CA8: variants seen among roughly 807,000 people sequenced by gnomAD.
The protein encoded by CA8 is carbonic anhydrase 8 (inactive).
Under a neutral mutation model 41.4 loss-of-function variants are expected in CA8, and 22 were observed. The observed-to-expected ratio is 0.53, with a 90% confidence interval of 0.38 to 0.76. CA8 has a LOEUF of 0.76. Ranked by LOEUF, CA8 falls within the 30% of genes least tolerant of loss-of-function variation. CA8 has a pLI of 0.00. For synonymous variants in CA8, 121 were observed against 130.6 expected, an observed-to-expected ratio of 0.93 and a Z score of 0.50; for missense variants, 270 against 352.8, an observed-to-expected ratio of 0.77 and a Z score of 1.88.
chr8:60,190,461 A>G (rs1806087277), intron 8 of CA8, among the ~76,000 whole-genome samples: 1 of 137,556 alleles, frequency 7.3e-6, no homozygotes, highest in Non-Finnish European at 1.5e-5. Context: ...ATATATATAT[A>G]TATATATATA....
chr8:60,216,632 A>G (rs753643258), intron 7 of CA8, among the ~76,000 whole-genome samples: 1 of 152,210 alleles, frequency 6.6e-6, no homozygotes, highest in Non-Finnish European at 1.5e-5. Context: ...ATACAAAGTT[A>G]GGTTCCCTTT....
chr8:60,265,303 G>GC (rs1803864280), intron 3 of CA8: 1 of 154,388 alleles, frequency 6.5e-6, no homozygotes, highest in Non-Finnish European at 1.4e-5. Context: ...GCCCTATCAA[G>GC]CATACAGGGA....
At chr8:60,218,385 T>C (rs1271671453) in intron 7 of CA8, among the ~76,000 whole-genome samples, 1 of 152,086 alleles carries the variant, frequency 6.6e-6, no homozygotes, top group Non-Finnish European at 1.5e-5. Context: ...GTCTTTTTTA[T>C]CTCCCCTTGT....
intron 7 of CA8, among the ~76,000 whole-genome samples, chr8:60,218,878 G>A (rs545438809): frequency 9.9e-5 from 15 of 152,148 alleles, no homozygotes; most frequent in African/African-American, 3.1e-4. Flanking sequence ...TGGATGGGGC[G>A]GCCGGCAGTG....
At chr8:60,196,479 CCA>C (rs1806285341) in intron 8 of CA8, among the ~76,000 whole-genome samples, 1 of 152,010 alleles carries the variant, frequency 6.6e-6, no homozygotes, top group African/African-American at 2.4e-5. Context: ...CAAGCTGACT[CCA>C]GAGACCAAAT....
At chr8:60,191,446 T>C (rs892400446) in intron 8 of CA8, among the ~76,000 whole-genome samples, 1 of 151,998 alleles carries the variant, frequency 6.6e-6, no homozygotes, top group Non-Finnish European at 1.5e-5. Flanking sequence ...CTATGTTCCA[T>C]AAAAAACAAC....
At chr8:60,261,367 T>C (rs1452033285) in intron 3 of CA8, among the ~76,000 whole-genome samples, 1 of 152,092 alleles carries the variant, frequency 6.6e-6, no homozygotes, top group Admixed American at 6.5e-5. Context: ...AAATACAATA[T>C]AAAGAAAGAT....
chr8:60,218,539 A>T (rs1807109476), intron 7 of CA8, among the ~76,000 whole-genome samples: 1 of 144,300 alleles, frequency 6.9e-6, no homozygotes, highest in Non-Finnish European at 1.5e-5. Flanking sequence ...TGAAAAGGAT[A>T]AAAAAAAGGA....
intron 2 of CA8, among the ~76,000 whole-genome samples, chr8:60,278,075 A>G (rs150646532): frequency 6.6e-6 from 1 of 152,304 alleles, no homozygotes; most frequent in Non-Finnish European, 1.5e-5. Flanking sequence ...GAGGGCCCAG[A>G]TGTTGGTCCA....
intron 3 of CA8, among the ~76,000 whole-genome samples, chr8:60,251,739 C>G (rs866637924): frequency 6.6e-6 from 1 of 152,154 alleles, no homozygotes; most frequent in Admixed American, 6.5e-5. Flanking sequence ...TGCCCAACTC[C>G]CTGCTGCCTG....
At chr8:60,200,085 G>T (rs985652068) in intron 8 of CA8, among the ~76,000 whole-genome samples, 1 of 152,112 alleles carries the variant, frequency 6.6e-6, no homozygotes, top group Non-Finnish European at 1.5e-5. Context: ...CCTAGTGATT[G>T]GGATTACTGC....
intron 2 of CA8, among the ~76,000 whole-genome samples, chr8:60,276,362 A>G (rs1804236374): frequency 6.6e-6 from 1 of 152,194 alleles, no homozygotes; most frequent in Non-Finnish European, 1.5e-5. Context: ...AAGAAAGGAC[A>G]AGGAGGAGCG....
intron 8 of CA8, among the ~76,000 whole-genome samples, chr8:60,199,481 G>A (rs1282150171): frequency 1.3e-5 from 2 of 152,100 alleles, no homozygotes; most frequent in Non-Finnish European, 2.9e-5. Context: ...ATAAAAGAAT[G>A]AGCAATAAGA....
Position 60,279,713 on chromosome 8 carries a change from G to C in CA8, c.268C>G (p.Gln90Glu). ...CEVTNDGHTIQVILKSKSVLS... is the reference protein window; with the variant it reads ...CEVTNDGHTIEVILKSKSVLS... Reference sequence around the variant, plus strand: ...CCTGATTTTGACTTCAGGATAACCTGAATGGTATGTCCATCATTGGTGACT... The same window carrying C: ...CCTGATTTTGACTTCAGGATAACCTCAATGGTATGTCCATCATTGGTGACT... Residue 90 changes from glutamine to glutamate, a missense_variant, in exon 2 of 9, where the codon CAG becomes GAG. Gln to Glu is a conservative substitution (Grantham distance 29, BLOSUM62 2). This residue lies in a region of CA8 where 123 missense variants were observed against 136.8 expected (regional missense o/e 0.90). Transcript: ENST00000317995. The C allele has an allele frequency of 6.2e-7, 1 of 1,614,126 alleles. No homozygotes were observed. Among genetic ancestry groups the C allele is most frequent in the Non-Finnish European group, 8.5e-7 (1 of 1,180,006 alleles).
intron 3 of CA8, chr8:60,232,705 A>G (rs6986917): frequency 0.45 from 172,455 of 379,134 alleles, 40,050 homozygotes; most frequent in African/African-American, 0.59. Flanking sequence ...TCTCCATGAA[A>G]CAAAACTCCA....
At chr8:60,257,292 G>C (rs556811676) in intron 3 of CA8, among the ~76,000 whole-genome samples, 22 of 152,210 alleles carry the variant, frequency 1.4e-4, no homozygotes, top group African/African-American at 5.3e-4. Flanking sequence ...AAAGCTTTTT[G>C]CATCCCCCTC....
intron 3 of CA8, among the ~76,000 whole-genome samples, chr8:60,260,940 T>G (rs1248798536): frequency 6.6e-6 from 1 of 152,210 alleles, no homozygotes; most frequent in Non-Finnish European, 1.5e-5. Flanking sequence ...TCCTGGGATC[T>G]CCTTAGAATA....
At chr8:60,195,037 C>A (rs11784705) in intron 8 of CA8, among the ~76,000 whole-genome samples, 70,435 of 151,994 alleles carry the variant, frequency 0.46, 17,352 homozygotes, top group African/African-American at 0.63. Flanking sequence ...TTGGTAAAAC[C>A]ACCTAAAGAA....
At position 60,213,567 on chromosome 8, in the gene CA8, G is replaced by A. The variant is rs144531443; in HGVS notation, c.739-4648C>T. On this transcript the variant is annotated intron_variant, in intron 7 of 8. Transcript: ENST00000317995. Reference sequence around the variant, plus strand: ...AGGCCCACATGGCCACCAAGCACTCGAAATTTGGCTTGTCCAATCTGAGAT... The same window carrying A: ...AGGCCCACATGGCCACCAAGCACTCAAAATTTGGCTTGTCCAATCTGAGAT... Among the ~76,000 whole-genome samples, 220 of 152,288 alleles carry A rather than the reference G, an allele frequency of 1.4e-3. 1 individual carries two copies. Among genetic ancestry groups the A allele is most frequent in the South Asian group, 4.8e-3 (23 of 4,826 alleles).
Sources: allele counts gnomAD v4.1 joint callset (sites outside exome capture counted in the v4.1 genomes callset), GRCh38; gene constraint gnomAD v4.1.1; regional missense constraint gnomAD v4.1.1; transcripts MANE v1.5; gene names NCBI Gene and HGNC (gene_info 2026-07-23, HGNC 2026-07-21).